AFG1L: variants seen among roughly 807,000 people sequenced by gnomAD.
AFG1L encodes AFG1-like ATPase.
Under a neutral mutation model 62.2 loss-of-function variants are expected in AFG1L, and 53 were observed. That is an observed-to-expected ratio of 0.85 (90% confidence interval 0.68 to 1.07). The LOEUF is 1.07. AFG1L is among the 50% of genes least tolerant of loss of function. AFG1L has a pLI of 0.00. For missense variants in AFG1L, 555 were observed against 590.5 expected (o/e 0.94, Z 0.62); for synonymous variants, 228 against 210.3 (o/e 1.08, Z -0.73).
At chr6:108,492,369 G>A (rs895924917) in intron 10 of AFG1L, among the ~76,000 whole-genome samples, 11 of 152,170 alleles carry the variant, frequency 7.2e-5, no homozygotes, top group African/African-American at 2.7e-4. Context: ...GCTTGATTAT[G>A]TTAATGATTA....
At chr6:108,506,013 C>T (rs1774406478) in intron 10 of AFG1L, among the ~76,000 whole-genome samples, 1 of 152,112 alleles carries the variant, frequency 6.6e-6, no homozygotes, top group African/African-American at 2.4e-5. Context: ...AAAATTAAGA[C>T]ATGCTATAAA....
intron 1 of AFG1L, among the ~76,000 whole-genome samples, chr6:108,323,424 CACA>C (rs1777895120): frequency 6.6e-6 from 1 of 151,932 alleles, no homozygotes; most frequent in Non-Finnish European, 1.5e-5. Flanking sequence ...AGTACAGTGG[CACA>C]ATCTCTGCTC....
chr6:108,401,755 T>C (rs1781627151), intron 6 of AFG1L, among the ~76,000 whole-genome samples: 1 of 152,166 alleles, frequency 6.6e-6, no homozygotes, highest in African/African-American at 2.4e-5. Flanking sequence ...TCATTACAGT[T>C]TAAAACTAAT....
In AFG1L at chr6:108,469,873, A is replaced by G. The variant is rs1235090436; in HGVS notation, c.891-6992A>G. ...CCAGCCTGACTTTTTTCCCTTAATT[A>G]GAATTCCAGACTTGCCAGTTTCTGC... On this transcript the variant is annotated intron_variant, in intron 8 of 12. Coordinates refer to ENST00000368977, the MANE Select transcript of AFG1L (RefSeq NM_145315.5). Among the ~76,000 whole-genome samples the G allele has an allele frequency of 2.6e-5, 4 of 152,224 alleles. No individual in the cohort carries two copies. In the East Asian group the frequency reaches 7.7e-4, roughly 29 times the overall value.
In AFG1L at chr6:108,295,104, G is replaced by A; in HGVS notation, c.25G>A (p.Val9Ile). Residue 9 changes from valine (V) to isoleucine (I), a missense_variant, in exon 1 of 13, where the codon GTT becomes ATT. Coordinates refer to ENST00000368977, the MANE Select transcript of AFG1L (RefSeq NM_145315.5). MAASWSLLVTLRPLAQSPL... is the reference protein window; with the variant it reads MAASWSLLITLRPLAQSPL... ...GATGGCGGCCTCCTGGTCGCTCTTG[G>A]TTACCCTGCGCCCCTTAGCACAGAG... 2 of 1,611,504 alleles carry A rather than the reference G, an allele frequency of 1.2e-6. No individual in the cohort carries two copies. The highest frequency in any genetic ancestry group is 1.1e-5 in the South Asian group (1 of 91,084).
chr6:108,485,657 T>TATATATATATATATATATATATATATA (rs869070532), intron 10 of AFG1L, among the ~76,000 whole-genome samples: 1 of 12,628 alleles, frequency 7.9e-5, no homozygotes, highest in Non-Finnish European at 1.3e-4. Context: ...TATATATATA[T>TATATATATATATATATATATATATATA]TTTTTTTTTT....
chr6:108,392,556 T>G (rs1168566174), intron 6 of AFG1L, among the ~76,000 whole-genome samples: 1 of 152,166 alleles, frequency 6.6e-6, no homozygotes, highest in Non-Finnish European at 1.5e-5. Flanking sequence ...TTCATCAATG[T>G]GTGTTGAATT....
At chr6:108,510,160 GCA>G in intron 10 of AFG1L, 50 bp from the exon 11 acceptor site, 1 of 1,430,544 alleles carries the variant, frequency 7.0e-7, no homozygotes, top group Non-Finnish European at 9.5e-7. Context: ...CACTCCAAAG[GCA>G]ACCAGAATTG....
chr6:108,407,318 G>C (rs1223903661), intron 7 of AFG1L, among the ~76,000 whole-genome samples: 1 of 152,032 alleles, frequency 6.6e-6, no homozygotes, highest in Admixed American at 6.6e-5. Context: ...GACTTTTATG[G>C]GGGCCTCATT....
At chr6:108,343,835 G>A (rs528284000) in intron 2 of AFG1L, among the ~76,000 whole-genome samples, 1 of 152,296 alleles carries the variant, frequency 6.6e-6, no homozygotes, top group South Asian at 2.1e-4. Flanking sequence ...CATCCAGATG[G>A]CAGAGTCAAA....
intron 2 of AFG1L, among the ~76,000 whole-genome samples, chr6:108,342,568 C>T (rs563970916): frequency 6.6e-6 from 1 of 152,176 alleles, no homozygotes; most frequent in South Asian, 2.1e-4. Flanking sequence ...TCTTTAGGAC[C>T]CATTTTATAT....
chr6:108,447,334 G>A (rs1365229508), intron 8 of AFG1L, 38 bp downstream of exon 8: 8 of 1,162,874 alleles, frequency 6.9e-6, no homozygotes, highest in South Asian at 2.6e-5. Flanking sequence ...ATGTCTAATC[G>A]TTAATCAGAA....
intron 8 of AFG1L, 65 bp downstream of exon 8, chr6:108,447,361 A>G: frequency 3.0e-6 from 3 of 1,008,156 alleles, no homozygotes; most frequent in South Asian, 2.8e-5. Context: ...CATAAAAATA[A>G]GCAGTTTAAT....
intron 10 of AFG1L, among the ~76,000 whole-genome samples, chr6:108,485,266 C>T (rs1398673157): frequency 6.6e-6 from 1 of 152,102 alleles, no homozygotes; most frequent in African/African-American, 2.4e-5. Context: ...AGCTCCTCTG[C>T]AGGAGAAAAC....
Position 108,355,773 on chromosome 6 carries a change from A to G in AFG1L, c.517+18A>G. 1 of 1,548,100 alleles carries G rather than the reference A, an allele frequency of 6.5e-7. No homozygotes were observed. Among genetic ancestry groups the G allele is most frequent in the Non-Finnish European group, 8.9e-7 (1 of 1,128,754 alleles). The stretch of plus-strand genomic sequence containing the variant: ...GCACAAAAGTAAGCAATGATCTGAA[A>G]GAAGTGATTTTTTCAGTGGGGAAAC... On this transcript the variant is annotated intron_variant, in intron 4 of 12. Coordinates refer to ENST00000368977, the MANE Select transcript of AFG1L (RefSeq NM_145315.5).
intron 8 of AFG1L, among the ~76,000 whole-genome samples, chr6:108,460,692 T>G (rs1163967727): frequency 6.6e-6 from 1 of 152,160 alleles, no homozygotes; most frequent in Non-Finnish European, 1.5e-5. Flanking sequence ...GCGTGGTGGC[T>G]CACGCCTGTA....
chr6:108,381,575 T>C (rs554983734), intron 6 of AFG1L, among the ~76,000 whole-genome samples: 91 of 151,574 alleles, frequency 6.0e-4, no homozygotes, highest in Non-Finnish European at 1.1e-3. Context: ...AGACCTTGTC[T>C]CTGGAAAAAA....
chr6:108,306,851 C>G (rs1274261729), intron 1 of AFG1L, among the ~76,000 whole-genome samples: 1 of 152,112 alleles, frequency 6.6e-6, no homozygotes, highest in East Asian at 1.9e-4. Context: ...AGCCTAGAGC[C>G]TTGTTTAGGT....
chr6:108,308,640 A>T (rs1428376942), intron 1 of AFG1L, among the ~76,000 whole-genome samples: 1 of 151,900 alleles, frequency 6.6e-6, no homozygotes, highest in East Asian at 1.9e-4. Flanking sequence ...TAGCTTTCCA[A>T]GTAGCTAGGA....
Sources: allele counts gnomAD v4.1 joint callset (sites outside exome capture counted in the v4.1 genomes callset), GRCh38; gene constraint gnomAD v4.1.1; transcripts MANE v1.5; gene names NCBI Gene and HGNC (gene_info 2026-07-23, HGNC 2026-07-21).